The following CLEC4C variants were observed in gnomAD, a reference collection of about 807,000 sequenced individuals.
CLEC4C encodes the protein C-type lectin domain family 4 member C.
Under a neutral mutation model 27.7 loss-of-function variants are expected in CLEC4C, and 17 were observed. The ratio of observed to expected loss-of-function variants is 0.61; its 90% CI spans 0.42 to 0.92. The LOEUF is 0.92. Ranked by LOEUF, CLEC4C falls within the 40% of genes least tolerant of loss-of-function variation. The pLI, the probability that CLEC4C is intolerant of heterozygous loss-of-function variation, is 0.00. For missense variants in CLEC4C, 244 were observed against 257.3 expected (o/e 0.95, Z 0.35); for synonymous variants, 80 against 80.8 (o/e 0.99, Z 0.06).
chr12:7,737,059 C>T (rs764818015), intron 4 of CLEC4C, among the ~76,000 whole-genome samples: 5 of 152,042 alleles, frequency 3.3e-5, no homozygotes, highest in Admixed American at 2.0e-4. Flanking sequence ...GGTGAAACCT[C>T]GTCTCTTCTA....
At chr12:7,745,424 CTTTTTTTTTTTT>C (rs140956970) in intron 2 of CLEC4C, among the ~76,000 whole-genome samples, 3 of 48,192 alleles carry the variant, frequency 6.2e-5, no homozygotes, top group East Asian at 9.6e-4. Context: ...TCAGTCTATG[CTTTTTTTTTTTT>C]TTTTTTTTTT....
chr12:7,743,008 G>A (rs1202666820), intron 2 of CLEC4C, among the ~76,000 whole-genome samples: 1 of 151,904 alleles, frequency 6.6e-6, no homozygotes, highest in Non-Finnish European at 1.5e-5. Flanking sequence ...TTGTTTATAA[G>A]TTTACATACG....
intron 4 of CLEC4C, among the ~76,000 whole-genome samples, chr12:7,734,475 T>C (rs1393600949): frequency 6.6e-6 from 1 of 152,166 alleles, no homozygotes; most frequent in African/African-American, 2.4e-5. Context: ...CATAATGTAC[T>C]GTAGGACTTG....
At chr12:7,743,640 A>G (rs1362501343) in intron 2 of CLEC4C, among the ~76,000 whole-genome samples, 3 of 151,774 alleles carry the variant, frequency 2.0e-5, no homozygotes, top group African/African-American at 4.8e-5. Flanking sequence ...CGGCCTCCCA[A>G]AGTGAGCCAC....
intron 4 of CLEC4C, among the ~76,000 whole-genome samples, chr12:7,733,546 A>C (rs1173800452): frequency 2.1e-5 from 3 of 143,386 alleles, no homozygotes; most frequent in African/African-American, 7.9e-5. Flanking sequence ...CAGTGGCGAG[A>C]TCTTGGCTCA....
intron 2 of CLEC4C, among the ~76,000 whole-genome samples, chr12:7,744,400 G>T (rs1864926848): frequency 4.6e-5 from 7 of 152,144 alleles, no homozygotes; most frequent in Admixed American, 2.6e-4. Context: ...ACTTGACATA[G>T]GAAGTCATCG....
At chr12:7,748,260 G>C (rs1865030715), upstream of CLEC4C, among the ~76,000 whole-genome samples, 1 of 152,198 alleles carries the variant, frequency 6.6e-6, no homozygotes, top group South Asian at 2.1e-4. Context: ...GGGCACGGTG[G>C]CTCATGCCTA....
upstream of CLEC4C, among the ~76,000 whole-genome samples, chr12:7,747,751 C>T (rs1865017075): frequency 6.8e-6 from 1 of 148,064 alleles, no homozygotes; most frequent in Non-Finnish European, 1.5e-5. Context: ...AAGCGATTCT[C>T]CTGCCTCAGC....
At chr12:7,744,287 G>A (rs568361245) in intron 2 of CLEC4C, among the ~76,000 whole-genome samples, 222 of 152,278 alleles carry the variant, frequency 1.5e-3, no homozygotes, top group Admixed American at 5.6e-3. Flanking sequence ...GCAAAGCAAA[G>A]TTTAACTTTA....
chr12:7,747,387 G>C, upstream of CLEC4C: 1 of 1,605,810 alleles, frequency 6.2e-7, no homozygotes, highest in Non-Finnish European at 8.5e-7. Flanking sequence ...TCTATCAGGT[G>C]GGTGCAGAAG....
chr12:7,747,336 C>CT lies in CLEC4C; in HGVS notation c.12dup (p.Glu5ArgfsTer45). 1 of 1,614,152 alleles carries CT rather than the reference C, an allele frequency of 6.2e-7. No homozygotes were observed. Among genetic ancestry groups the CT allele is most frequent in the Non-Finnish European group, 8.5e-7 (1 of 1,180,014 alleles). Reference sequence around the variant, plus strand: ...TGCTTACCTCGGTCTTGAGGCTCTTCTTCAGGCACCATTGTGTGTGCGCAC... The same window carrying CT: ...TGCTTACCTCGGTCTTGAGGCTCTTCTTTCAGGCACCATTGTGTGTGCGCAC... On this transcript the variant is annotated frameshift_variant, in exon 1 of 6. Coordinates refer to ENST00000360345, the MANE Select transcript of CLEC4C (RefSeq NM_001371390.1). LOFTEE classifies it high-confidence loss of function.
At position 7,736,202 on chromosome 12, in the gene CLEC4C, G is replaced by A. The variant is rs144100293; in HGVS notation, c.381+1227C>T. The stretch of plus-strand genomic sequence containing the variant: ...GGAAGCTGAGGCAGGAGAATCGCTT[G>A]AACCTGGGAGGCGGAGGTTGCAGTG... On this transcript the variant is annotated intron_variant, in intron 4 of 5. Coordinates refer to ENST00000360345, the MANE Select transcript of CLEC4C (RefSeq NM_001371390.1). Among the ~76,000 whole-genome samples the A allele has an allele frequency of 4.6e-3, 704 of 152,272 alleles. 4 individuals carry two copies. The highest frequency in any genetic ancestry group is 0.016 in the African/African-American group (667 of 41,558).
intron 3 of CLEC4C, among the ~76,000 whole-genome samples, chr12:7,739,027 T>C (rs1864792873): frequency 6.8e-6 from 1 of 147,980 alleles, no homozygotes; most frequent in South Asian, 2.2e-4. Flanking sequence ...GTTCTCATTG[T>C]TCGATTCCCA....
chr12:7,743,059 T>G (rs113288446), intron 2 of CLEC4C, among the ~76,000 whole-genome samples: 1 of 152,302 alleles, frequency 6.6e-6, no homozygotes, highest in Non-Finnish European at 1.5e-5. Context: ...TACAGTCTAG[T>G]GAAGGAATTT....
At chr12:7,742,115 G>A (rs927094831) in intron 2 of CLEC4C, among the ~76,000 whole-genome samples, 1 of 152,134 alleles carries the variant, frequency 6.6e-6, no homozygotes, top group African/African-American at 2.4e-5. Flanking sequence ...GGAAGACAGA[G>A]GTTGCAGTGA....
At chr12:7,731,048 A>G in intron 4 of CLEC4C, 136 bp from the exon 5 acceptor site, 2 of 517,472 alleles carry the variant, frequency 3.9e-6, no homozygotes, top group South Asian at 3.9e-5. Context: ...TCTAACTACA[A>G]GCAGACAGAA....
chr12:7,746,823 T>C (rs7962476), intron 1 of CLEC4C, among the ~76,000 whole-genome samples: 490 of 152,240 alleles, frequency 3.2e-3, no homozygotes, highest in African/African-American at 0.011. Flanking sequence ...CGAGTTGTTT[T>C]TCTTTTTTTC....
chr12:7,734,744 C>T (rs61938700), intron 4 of CLEC4C, among the ~76,000 whole-genome samples: 22,431 of 151,534 alleles, frequency 0.15, 1,742 homozygotes, highest in East Asian at 0.32. Flanking sequence ...AGAAGGGTTT[C>T]GCCATGTTGG....
chr12:7,731,178 T>A (rs757535921), intron 4 of CLEC4C, among the ~76,000 whole-genome samples: 1 of 152,196 alleles, frequency 6.6e-6, no homozygotes, highest in East Asian at 1.9e-4. Context: ...ACAGTGGGCC[T>A]TAATAAGCAC....
Sources: allele counts gnomAD v4.1 joint callset (sites outside exome capture counted in the v4.1 genomes callset), GRCh38; gene constraint gnomAD v4.1.1; transcripts MANE v1.5; gene names NCBI Gene and HGNC (gene_info 2026-07-23, HGNC 2026-07-21).